Variants in TAFA2 observed in about 807,000 individuals in gnomAD.
The protein encoded by TAFA2 is chemokine-like protein TAFA-2.
A neutral mutation model predicts 18.8 loss-of-function variants in TAFA2; 7 were observed. That is an observed-to-expected ratio of 0.37 (90% CI 0.21 to 0.70). TAFA2 has a LOEUF of 0.70. Ranked by LOEUF, TAFA2 falls within the 30% of genes least tolerant of loss-of-function variation. The pLI, the probability that TAFA2 is intolerant of heterozygous loss-of-function variation, is 0.53. For missense variants in TAFA2, 122 were observed against 158.1 expected (o/e 0.77, Z 1.23); for synonymous variants, 60 against 54.2 (o/e 1.11, Z -0.47).
At chr12:61,809,447 T>C (rs1010129859) in intron 2 of TAFA2, among the ~76,000 whole-genome samples, 9 of 151,436 alleles carry the variant, frequency 5.9e-5, no homozygotes, top group African/African-American at 1.5e-4. Flanking sequence ...CTAAGTTACC[T>C]TCCTGCTGAG....
intron 4 of TAFA2, among the ~76,000 whole-genome samples, chr12:61,749,454 G>C (rs1267154723): frequency 6.6e-6 from 1 of 152,064 alleles, no homozygotes; most frequent in African/African-American, 2.4e-5. Context: ...ATCACAGTAA[G>C]AGCTAAGTAA....
At chr12:61,973,386 A>G (rs538732311) in intron 1 of TAFA2, among the ~76,000 whole-genome samples, 1 of 129,282 alleles carries the variant, frequency 7.7e-6, no homozygotes, top group African/African-American at 3.1e-5. Flanking sequence ...CTTGGAAAAT[A>G]TTATTTAGAT....
chr12:62,121,723 T>A (rs1870205166), intron 1 of TAFA2, among the ~76,000 whole-genome samples: 1 of 152,168 alleles, frequency 6.6e-6, no homozygotes, highest in African/African-American at 2.4e-5. Flanking sequence ...GACCCATTCA[T>A]TTGAGGGTAA....
chr12:61,807,025 C>CCTACCCT (rs1871644244), intron 2 of TAFA2, among the ~76,000 whole-genome samples: 29 of 151,860 alleles, frequency 1.9e-4, no homozygotes, highest in African/African-American at 6.6e-4. Context: ...TTCAAGCCAG[C>CCTACCCT]TGCAGAAATT....
chr12:62,009,971 G>T (rs149664562), intron 1 of TAFA2, among the ~76,000 whole-genome samples: 2,208 of 152,140 alleles, frequency 0.015, 18 homozygotes, highest in Non-Finnish European at 0.022. Context: ...CTACTCCCCT[G>T]CCAGAAAAGA....
At chr12:61,744,418 G>A (rs1050307410) in intron 4 of TAFA2, among the ~76,000 whole-genome samples, 20 of 152,088 alleles carry the variant, frequency 1.3e-4, no homozygotes, top group Middle Eastern at 3.4e-3. Flanking sequence ...GCCAAGTTTT[G>A]GACATAGAGC....
upstream of TAFA2, among the ~76,000 whole-genome samples, chr12:62,196,802 G>GA (rs1027734234): frequency 7.9e-5 from 12 of 152,070 alleles, no homozygotes; most frequent in South Asian, 4.1e-4. Context: ...ACATGCTGCT[G>GA]AAAAAATGGC....
intron 1 of TAFA2, among the ~76,000 whole-genome samples, chr12:61,901,777 A>G (rs1264463826): frequency 6.6e-6 from 1 of 152,160 alleles, no homozygotes; most frequent in Non-Finnish European, 1.5e-5. Context: ...CAACATCGGG[A>G]GGCAATTTTT....
chr12:61,724,192 T>G lies in TAFA2; in HGVS notation c.385-13775A>C, dbSNP rs79811384. On this transcript the variant is annotated intron_variant, in intron 4 of 4. Transcript: ENST00000416284. ...TCTGGAGACTAGTATTTTTAAAGCA[T>G]GTATGTGGCATGATTTTTATTTTTT... 6.0e-3 allele frequency among the ~76,000 whole-genome samples: 913 copies of G among 152,260 alleles called. 3 individuals are homozygous for G. Among genetic ancestry groups the G allele is most frequent in the African/African-American group, 0.021 (867 of 41,576 alleles).
intron 1 of TAFA2, among the ~76,000 whole-genome samples, chr12:62,036,733 A>G (rs1222812665): frequency 6.6e-6 from 1 of 152,266 alleles, no homozygotes. Context: ...CTTTGAGGAC[A>G]TAACACAAAA....
intron 1 of TAFA2, among the ~76,000 whole-genome samples, chr12:62,083,262 T>C (rs1868350965): frequency 2.0e-5 from 3 of 151,766 alleles, no homozygotes; most frequent in Admixed American, 1.3e-4. Flanking sequence ...AATCATTTCT[T>C]TGGGTGGAAA....
intron 2 of TAFA2, among the ~76,000 whole-genome samples, chr12:61,804,314 T>C (rs1368131910): frequency 6.6e-6 from 1 of 152,066 alleles, no homozygotes; most frequent in East Asian, 1.9e-4. Flanking sequence ...TAAATATATG[T>C]CACTCATTAT....
At chr12:61,852,277 A>C (rs570507514) in intron 2 of TAFA2, among the ~76,000 whole-genome samples, 110 of 152,268 alleles carry the variant, frequency 7.2e-4, no homozygotes, top group Non-Finnish European at 1.2e-3. Context: ...ATGATGGTCA[A>C]ATGTGAGAGA....
chr12:62,129,036 T>A (rs1251296470), intron 1 of TAFA2, among the ~76,000 whole-genome samples: 1 of 152,080 alleles, frequency 6.6e-6, no homozygotes, highest in African/African-American at 2.4e-5. Context: ...AGCCTGAATG[T>A]GAAGAAGACA....
At chr12:62,142,251 C>A (rs2062245553) in intron 1 of TAFA2, among the ~76,000 whole-genome samples, 1 of 152,106 alleles carries the variant, frequency 6.6e-6, no homozygotes, top group East Asian at 1.9e-4. Context: ...TGCCCACACC[C>A]CTAATGCTCT....
At chr12:61,884,030 C>T (rs916475849) in intron 1 of TAFA2, among the ~76,000 whole-genome samples, 7 of 151,998 alleles carry the variant, frequency 4.6e-5, no homozygotes, top group African/African-American at 9.7e-5. Flanking sequence ...TGAACTAAAC[C>T]TTAACATATT....
intron 1 of TAFA2, among the ~76,000 whole-genome samples, chr12:61,949,407 C>T (rs1204599096): frequency 6.6e-6 from 1 of 152,062 alleles, no homozygotes; most frequent in Non-Finnish European, 1.5e-5. Context: ...TCCCAGGTCT[C>T]CAGCCTGTCA....
intron 2 of TAFA2, among the ~76,000 whole-genome samples, chr12:61,850,464 T>G (rs972010271): frequency 6.6e-6 from 1 of 152,060 alleles, no homozygotes; most frequent in Non-Finnish European, 1.5e-5. Context: ...AAACAAATAC[T>G]TTTCAATTAA....
At chr12:61,893,722 T>G (rs1260975447) in intron 1 of TAFA2, among the ~76,000 whole-genome samples, 1 of 152,216 alleles carries the variant, frequency 6.6e-6, no homozygotes, top group Non-Finnish European at 1.5e-5. Flanking sequence ...AATCAAATAT[T>G]TTCTATGTTT....
Sources: gnomAD v4.1 joint callset for allele counts (sites outside exome capture counted in the v4.1 genomes callset) on GRCh38, gnomAD v4.1.1 for gene constraint, MANE v1.5 for transcripts, NCBI Gene and HGNC (gene_info 2026-07-23, HGNC 2026-07-21) for gene names.